PKP4: variants seen among roughly 807,000 people sequenced by gnomAD.
PKP4 encodes plakophilin 4.
In PKP4, 90 loss-of-function variants were observed where a neutral mutation model predicts 145.1. That is an observed-to-expected ratio of 0.62 (90% confidence interval 0.52 to 0.74). The LOEUF is 0.74. Ranked by LOEUF, PKP4 falls within the 30% of genes least tolerant of loss-of-function variation. The probability of loss-of-function intolerance (pLI) is 0.00; values close to 1 mark genes in which losing one functional copy is unlikely to be tolerated. For missense variants in PKP4, 1,340 were observed against 1,482.7 expected (o/e 0.90, Z 1.58); for synonymous variants, 563 against 577.2 (o/e 0.98, Z 0.35).
intron 3 of PKP4, among the ~76,000 whole-genome samples, chr2:158,592,163 G>A (rs1454340183): frequency 6.6e-6 from 1 of 151,956 alleles, no homozygotes. Flanking sequence ...TTCCCCTACA[G>A]CAGTAGTTAG....
intron 1 of PKP4, among the ~76,000 whole-genome samples, chr2:158,528,129 A>G (rs930490325): frequency 2.3e-5 from 3 of 129,780 alleles, no homozygotes; most frequent in African/African-American, 5.7e-5. Flanking sequence ...CAGCCATCCC[A>G]TTACTGGGTA....
intron 2 of PKP4, among the ~76,000 whole-genome samples, chr2:158,555,403 A>T (rs1347712587): frequency 1.3e-5 from 2 of 152,264 alleles, no homozygotes; most frequent in African/African-American, 4.8e-5. Context: ...GATCTGCTAC[A>T]GAAACATCAT....
At chr2:158,610,756 C>T (rs567508633) in intron 4 of PKP4, among the ~76,000 whole-genome samples, 2 of 152,208 alleles carry the variant, frequency 1.3e-5, no homozygotes, top group East Asian at 3.9e-4. Context: ...TAGGTGGTTG[C>T]CAACTTGAGT....
intron 1 of PKP4, among the ~76,000 whole-genome samples, chr2:158,520,996 C>G (rs776854819): frequency 3.3e-5 from 5 of 152,206 alleles, no homozygotes; most frequent in Admixed American, 6.5e-5. Flanking sequence ...TTAATAGTCA[C>G]TTGAGTTGTT....
intron 1 of PKP4, among the ~76,000 whole-genome samples, chr2:158,518,450 A>G (rs2105554018): frequency 6.6e-6 from 1 of 152,370 alleles, no homozygotes; most frequent in East Asian, 1.9e-4. Flanking sequence ...TTTTGAGAGC[A>G]GCAAAATTGC....
chr2:158,509,785 TA>T (rs1416382336), intron 1 of PKP4, among the ~76,000 whole-genome samples: 1 of 151,914 alleles, frequency 6.6e-6, no homozygotes, highest in Non-Finnish European at 1.5e-5. Flanking sequence ...CTGTCTCTAC[TA>T]AAAATACAAA....
intron 1 of PKP4, among the ~76,000 whole-genome samples, chr2:158,463,601 T>C (rs1007760847): frequency 6.6e-6 from 1 of 152,192 alleles, no homozygotes; most frequent in Non-Finnish European, 1.5e-5. Flanking sequence ...GAGCACATCA[T>C]GTAACTCTCG....
chr2:158,543,437 A>G (rs1041594409), intron 2 of PKP4, among the ~76,000 whole-genome samples: 1 of 152,180 alleles, frequency 6.6e-6, no homozygotes, highest in African/African-American at 2.4e-5. Context: ...GCAACAGCTG[A>G]TGGTCTTATG....
chr2:158,536,756 G>A (rs2044083434), intron 2 of PKP4, among the ~76,000 whole-genome samples: 1 of 152,176 alleles, frequency 6.6e-6, no homozygotes, highest in Admixed American at 6.5e-5. Flanking sequence ...ATGCGTACCT[G>A]CGAAGGTACA....
intron 1 of PKP4, among the ~76,000 whole-genome samples, chr2:158,471,639 TATC>T (rs1691586955): frequency 6.6e-6 from 1 of 152,254 alleles, no homozygotes; most frequent in African/African-American, 2.4e-5. Flanking sequence ...ACATAAGCAG[TATC>T]ATCCAACTAA....
rs371079217 is a variant in PKP4, at chr2:158,665,062, G to A, written c.2578-1351G>A. On this transcript the variant is annotated intron_variant, in intron 15 of 21. Coordinates refer to ENST00000389759, the MANE Select transcript of PKP4 (RefSeq NM_003628.6). ...TTTAAAATATAAACATTATATCTAA[G>A]CGATTTCAATAGTGAGTTAAAATAT... Among the ~76,000 whole-genome samples, 25 of 152,330 alleles carry A rather than the reference G, an allele frequency of 1.6e-4. 2 individuals carry two copies. The South Asian group carries it at 2.3e-3, about 14-fold the overall frequency.
At chr2:158,590,250 AC>A (rs1238263116) in intron 3 of PKP4, among the ~76,000 whole-genome samples, 2 of 150,940 alleles carry the variant, frequency 1.3e-5, no homozygotes, top group Non-Finnish European at 2.9e-5. Flanking sequence ...ACACATTTTA[AC>A]CACTGTCAAA....
intron 9 of PKP4, among the ~76,000 whole-genome samples, chr2:158,636,111 A>G (rs1290812189): frequency 1.3e-5 from 2 of 152,138 alleles, no homozygotes; most frequent in Admixed American, 1.3e-4. Context: ...TGCTTCTGAA[A>G]GGAGTAACGT....
intron 1 of PKP4, among the ~76,000 whole-genome samples, chr2:158,508,594 T>C (rs2041220482): frequency 6.6e-6 from 1 of 152,180 alleles, no homozygotes; most frequent in Non-Finnish European, 1.5e-5. Context: ...AATGAGCAGA[T>C]TGCCTTTTCA....
chr2:158,528,372 T>C (rs1293104500), intron 1 of PKP4, among the ~76,000 whole-genome samples: 1 of 113,452 alleles, frequency 8.8e-6, no homozygotes, highest in Non-Finnish European at 1.8e-5. Flanking sequence ...TCATTCTCAG[T>C]AAACTATCGC....
At position 158,606,796 on chromosome 2, in the gene PKP4, A is replaced by G. The variant is rs534722562; in HGVS notation, c.280+3692A>G. Among the ~76,000 whole-genome samples the G allele has an allele frequency of 1.2e-4, 18 of 152,284 alleles. No homozygotes were observed. In the South Asian group the frequency reaches 3.7e-3, roughly 32 times the overall value. On this transcript the variant is annotated intron_variant, in intron 4 of 21. Coordinates refer to ENST00000389759, the MANE Select transcript of PKP4 (RefSeq NM_003628.6). ...TAAATAAACACTTTTCTAGCATGTAATTGTCAATGTTTAAAGCAAACATCC... is the reference window on the plus strand; with the variant it reads ...TAAATAAACACTTTTCTAGCATGTAGTTGTCAATGTTTAAAGCAAACATCC...
intron 11 of PKP4, among the ~76,000 whole-genome samples, chr2:158,652,666 A>G (rs918037389): frequency 1.3e-5 from 2 of 152,110 alleles, no homozygotes; most frequent in East Asian, 1.9e-4. Context: ...TTCTACCCCC[A>G]TTTTTCAAGA....
intron 11 of PKP4, among the ~76,000 whole-genome samples, chr2:158,646,266 A>C (rs2054818431): frequency 6.6e-6 from 1 of 152,180 alleles, no homozygotes; most frequent in African/African-American, 2.4e-5. Flanking sequence ...TTATTTTGAC[A>C]TGTGGACTGA....
chr2:158,471,920 A>T (rs919923984), intron 1 of PKP4, among the ~76,000 whole-genome samples: 2 of 152,172 alleles, frequency 1.3e-5, no homozygotes, highest in Non-Finnish European at 2.9e-5. Flanking sequence ...ATAGCTTATC[A>T]AGTGGTTTCT....
Sources: gnomAD v4.1 joint callset for allele counts (sites outside exome capture counted in the v4.1 genomes callset) on GRCh38, gnomAD v4.1.1 for gene constraint, MANE v1.5 for transcripts, NCBI Gene and HGNC (gene_info 2026-07-23, HGNC 2026-07-21) for gene names.